RANBP2: variants seen among roughly 807,000 people sequenced by gnomAD.
The protein encoded by RANBP2 is E3 SUMO-protein ligase RanBP2.
RANBP2 carries 57 observed loss-of-function variants against 303.6 expected under a neutral mutation model. That is an observed-to-expected ratio of 0.19 (90% CI 0.15 to 0.23). RANBP2 has a LOEUF of 0.23. Ranked by LOEUF, RANBP2 falls within the 10% of genes least tolerant of loss-of-function variation. RANBP2 has a pLI of 1.00. For synonymous variants in RANBP2, 1,167 were observed against 1,301.5 expected (o/e 0.90, Z 2.23); for missense variants, 3,138 against 3,780.8 (o/e 0.83, Z 4.46).
chr2:109,128,839 A>G, the RANBP2 span: 1 of 243,142 alleles, frequency 4.1e-6, no homozygotes, highest in Non-Finnish European at 8.5e-6. Flanking sequence ...AAGCCTGCGC[A>G]GGAGAGGTTC....
chr2:109,526,698 C>T, the RANBP2 span, among the ~76,000 whole-genome samples: 7 of 152,170 alleles, frequency 4.6e-5, no homozygotes, highest in Non-Finnish European at 7.3e-5. Context: ...GCCATGCACT[C>T]TGGCACAGGG....
the RANBP2 span, among the ~76,000 whole-genome samples, chr2:108,811,237 TTC>T: frequency 1.8e-4 from 11 of 60,362 alleles, 1 homozygote; most frequent in East Asian, 3.3e-3. Context: ...TTTTCTTTCT[TTC>T]TCTCTCTCTT....
the RANBP2 span, among the ~76,000 whole-genome samples, chr2:109,488,383 A>T: frequency 6.6e-6 from 1 of 152,040 alleles, no homozygotes; most frequent in Non-Finnish European, 1.5e-5. Context: ...CTCATCAAGA[A>T]CTCTTGCTGT....
chr2:108,779,499 C>T (rs1678096393), intron 25 of RANBP2, among the ~76,000 whole-genome samples: 1 of 152,048 alleles, frequency 6.6e-6, no homozygotes, highest in African/African-American at 2.4e-5. Context: ...TTTTTCCCCT[C>T]CATTAAATCT....
At chr2:108,831,892 C>T in the RANBP2 span, among the ~76,000 whole-genome samples, 1 of 151,886 alleles carries the variant, frequency 6.6e-6, no homozygotes, top group East Asian at 1.9e-4. Flanking sequence ...GCCACCATGC[C>T]TGGCTAATTT....
chr2:108,782,849 A>G lies in RANBP2; in HGVS notation c.9356A>G (p.Asp3119Gly), dbSNP rs1678349652. The G allele has an allele frequency of 1.9e-6, 3 of 1,613,230 alleles. No individual in the cohort carries two copies. The highest frequency in any genetic ancestry group is 2.5e-6 in the Non-Finnish European group (3 of 1,179,812). The change falls in exon 28 of 29, where the codon GAT becomes GGT. Residue 3119 changes from aspartate to glycine, a missense_variant. This residue lies in a region of RANBP2 where 204 missense variants were observed against 228.4 expected (regional missense o/e 0.89). Transcript: ENST00000283195. ...TCCATTTTTCACAGAGTAATTCCAG[A>G]TTTTGTTTGCCAAGTAGGTATTATT... is the stretch of plus-strand genomic sequence containing the variant. ...KNSIFHRVIP[D>G]FVCQGGDITK...
the RANBP2 span, among the ~76,000 whole-genome samples, chr2:108,866,752 G>C: frequency 6.6e-6 from 1 of 151,958 alleles, no homozygotes; most frequent in African/African-American, 2.4e-5. Context: ...ACGCGGTGAC[G>C]GGTGCCTATA....
At chr2:108,918,366 T>A in the RANBP2 span, among the ~76,000 whole-genome samples, 11 of 152,338 alleles carry the variant, frequency 7.2e-5, no homozygotes, top group East Asian at 2.1e-3. Flanking sequence ...GTGTGCTGTG[T>A]GTTTCGGTTC....
chr2:109,203,466 G>C, the RANBP2 span, among the ~76,000 whole-genome samples: 1 of 152,192 alleles, frequency 6.6e-6, no homozygotes, highest in Non-Finnish European at 1.5e-5. Flanking sequence ...TATTCTTTAA[G>C]TCGCTTCTTA....
chr2:109,168,362 C>T, the RANBP2 span, among the ~76,000 whole-genome samples: 1 of 152,144 alleles, frequency 6.6e-6, no homozygotes, highest in Non-Finnish European at 1.5e-5. Flanking sequence ...CAGAACCCAG[C>T]TATCAGGAGT....
the RANBP2 span, among the ~76,000 whole-genome samples, chr2:109,261,716 A>T: frequency 2.5e-3 from 388 of 152,266 alleles, 4 homozygotes; most frequent in Middle Eastern, 0.02. Context: ...TGTATTTAAA[A>T]TTTGGCTCAT....
the RANBP2 span, among the ~76,000 whole-genome samples, chr2:108,986,678 C>G: frequency 2.6e-5 from 4 of 152,166 alleles, no homozygotes; most frequent in Non-Finnish European, 5.9e-5. Context: ...TTCATGACAA[C>G]GCTTTGTAAA....
the RANBP2 span, among the ~76,000 whole-genome samples, chr2:108,944,497 C>T: frequency 2.0e-5 from 3 of 152,232 alleles, no homozygotes; most frequent in East Asian, 5.8e-4. Flanking sequence ...ATGCTGTTGC[C>T]TCTAACCTCA....
the RANBP2 span, among the ~76,000 whole-genome samples, chr2:109,731,885 T>C: frequency 6.6e-6 from 1 of 151,670 alleles, no homozygotes; most frequent in Non-Finnish European, 1.5e-5. Context: ...TCTCACTCTG[T>C]CACCCAGGCT....
the RANBP2 span, among the ~76,000 whole-genome samples, chr2:109,273,130 T>C: frequency 3.9e-5 from 6 of 152,212 alleles, no homozygotes; most frequent in Non-Finnish European, 5.9e-5. Context: ...CTGGATGATT[T>C]AGGATGAATT....
the RANBP2 span, among the ~76,000 whole-genome samples, chr2:109,610,025 T>A: frequency 6.6e-6 from 1 of 151,470 alleles, no homozygotes; most frequent in Non-Finnish European, 1.5e-5. Context: ...GCAGGGACAA[T>A]ATGACACAGA....
the RANBP2 span, among the ~76,000 whole-genome samples, chr2:109,167,531 G>A: frequency 6.6e-6 from 1 of 152,098 alleles, no homozygotes; most frequent in African/African-American, 2.4e-5. Flanking sequence ...TCCCCCATTG[G>A]TATTGTTTAG....
chr2:108,987,049 G>A, the RANBP2 span, among the ~76,000 whole-genome samples: 1 of 152,204 alleles, frequency 6.6e-6, no homozygotes, highest in Non-Finnish European at 1.5e-5. Context: ...GGCAGGCTAG[G>A]AGGAGGGTGA....
the RANBP2 span, among the ~76,000 whole-genome samples, chr2:109,110,694 C>T: frequency 6.6e-6 from 1 of 152,216 alleles, no homozygotes; most frequent in African/African-American, 2.4e-5. Context: ...ACAGAGGCGG[C>T]AGGCCAGTCA....
Sources: allele counts gnomAD v4.1 joint callset (sites outside exome capture counted in the v4.1 genomes callset), GRCh38; gene constraint gnomAD v4.1.1; regional missense constraint gnomAD v4.1.1; transcripts MANE v1.5; gene names NCBI Gene and HGNC (gene_info 2026-07-23, HGNC 2026-07-21).